CFAP70: variants seen among roughly 807,000 people sequenced by gnomAD.
CFAP70 encodes cilia and flagella associated protein 70.
A neutral mutation model predicts 137.6 loss-of-function variants in CFAP70; 81 were observed. The ratio of observed to expected loss-of-function variants is 0.59; its 90% CI spans 0.49 to 0.71. The LOEUF (loss-of-function observed/expected upper bound fraction) is 0.71, where lower values mean the gene tolerates loss of function less well. CFAP70 is among the 30% of genes least tolerant of loss of function. The pLI is 0.00. For missense variants in CFAP70, 976 were observed against 1,226.7 expected (o/e 0.80, Z 3.05); for synonymous variants, 382 against 423.6 (o/e 0.90, Z 1.20).
chr10:73,268,342 A>C (rs925203096), intron 25 of CFAP70, among the ~76,000 whole-genome samples: 1 of 152,086 alleles, frequency 6.6e-6, no homozygotes, highest in Admixed American at 6.5e-5. Context: ...CTGCCATGTG[A>C]TCTGTATGTA....
At chr10:73,350,390 A>G (rs2054091097) in intron 3 of CFAP70, among the ~76,000 whole-genome samples, 1 of 152,178 alleles carries the variant, frequency 6.6e-6, no homozygotes, top group Non-Finnish European at 1.5e-5. Flanking sequence ...TATTTTTTGT[A>G]TTAGAATGAG....
At chr10:73,343,763 A>G (rs928134413) in intron 5 of CFAP70, among the ~76,000 whole-genome samples, 4 of 152,270 alleles carry the variant, frequency 2.6e-5, no homozygotes, top group Admixed American at 6.5e-5. Flanking sequence ...GCAACCTTTC[A>G]TAAAACATCA....
intron 24 of CFAP70, among the ~76,000 whole-genome samples, chr10:73,271,798 C>A (rs1161942758): frequency 1.3e-5 from 2 of 152,102 alleles, no homozygotes; most frequent in Non-Finnish European, 2.9e-5. Context: ...GTGTTCCCAC[C>A]AAGCAATCCT....
At chr10:73,289,553 G>A (rs1159981894) in intron 19 of CFAP70, among the ~76,000 whole-genome samples, 2 of 151,684 alleles carry the variant, frequency 1.3e-5, no homozygotes, top group Non-Finnish European at 2.9e-5. Flanking sequence ...CAGAGTGCTG[G>A]GATTACAGGC....
At chr10:73,326,534 T>C (rs2051444826) in intron 8 of CFAP70, among the ~76,000 whole-genome samples, 6 of 144,100 alleles carry the variant, frequency 4.2e-5, no homozygotes, top group South Asian at 2.3e-4. Context: ...TTCAAAAAAT[T>C]AATGAATCCA....
intron 3 of CFAP70, among the ~76,000 whole-genome samples, chr10:73,350,251 T>G (rs2054081410): frequency 6.6e-6 from 1 of 152,212 alleles, no homozygotes; most frequent in South Asian, 2.1e-4. Flanking sequence ...TTTAATTTGT[T>G]TCTCAATTCC....
chr10:73,274,650 T>A, intron 22 of CFAP70, 56 bp from the exon 24 acceptor site: 1 of 1,425,454 alleles, frequency 7.0e-7, no homozygotes, highest in Admixed American at 2.4e-5. Flanking sequence ...AAAAGTACCT[T>A]GATGATCTTT....
chr10:73,254,112 G>A, intron 26 of CFAP70, 57 bp from the exon 28 acceptor site: 1 of 1,411,598 alleles, frequency 7.1e-7, no homozygotes, highest in Non-Finnish European at 9.7e-7. Flanking sequence ...TACTTTATGT[G>A]GCTTTGAAGA....
chr10:73,342,434 G>A (rs928504984), intron 5 of CFAP70, among the ~76,000 whole-genome samples: 6 of 151,966 alleles, frequency 3.9e-5, no homozygotes, highest in Non-Finnish European at 5.9e-5. Context: ...TCCCAGCTAC[G>A]TGGGAGGCTG....
At chr10:73,274,768 A>T (rs1366305360) in intron 22 of CFAP70, 174 bp from the exon 24 acceptor site, 148 of 612,198 alleles carry the variant, frequency 2.4e-4, no homozygotes, top group Non-Finnish European at 3.0e-5. Context: ...ATTTAATTGT[A>T]CAAGGAGACA....
chr10:73,290,142 T>A (rs1007911851), intron 19 of CFAP70, among the ~76,000 whole-genome samples: 1 of 151,934 alleles, frequency 6.6e-6, no homozygotes, highest in Non-Finnish European at 1.5e-5. Flanking sequence ...AACAGGTGAA[T>A]GGATGAACTA....
chr10:73,362,529 T>C (rs2055052713), upstream of CFAP70, among the ~76,000 whole-genome samples: 1 of 152,144 alleles, frequency 6.6e-6, no homozygotes, highest in Non-Finnish European at 1.5e-5. Context: ...TTTTGTTTTG[T>C]TTTTTGTAGC....
Position 73,345,247 on chromosome 10 carries a change from G to A in CFAP70, c.350-133C>T, listed in dbSNP as rs776819986. On this transcript the variant is annotated intron_variant, in intron 4 of 26. Transcript: ENST00000310715. Reference sequence around the variant, plus strand: ...ACTTTAACTTCAAGACTGCACTGCTGTAAAAGAATAAAATTATGCAGCATT... The same window carrying A: ...ACTTTAACTTCAAGACTGCACTGCTATAAAAGAATAAAATTATGCAGCATT... 2 of 1,607,956 alleles carry A rather than the reference G, an allele frequency of 1.2e-6. No individual in the cohort carries two copies. Among genetic ancestry groups the A allele is most frequent in the East Asian group, 2.2e-5 (1 of 44,826 alleles).
intron 19 of CFAP70, among the ~76,000 whole-genome samples, chr10:73,286,735 G>A (rs1224882744): frequency 1.3e-5 from 2 of 152,188 alleles, no homozygotes; most frequent in Admixed American, 6.5e-5. Flanking sequence ...GAAAATTGGG[G>A]CTGACAGCCT....
In CFAP70 at chr10:73,253,937, C is replaced by G. The variant is rs759654009; in HGVS notation, c.*38G>C. The stretch of plus-strand genomic sequence containing the variant: ...AAACTCTCTGGGAAGGAAAGGAACT[C>G]AGAGTCCCATGCAGAAAATTGTTCA... On this transcript the variant is annotated 3_prime_UTR_variant, in exon 27 of 27. Coordinates refer to ENST00000310715, the Ensembl canonical transcript of CFAP70. The G allele has an allele frequency of 1.4e-5, 22 of 1,524,082 alleles. No individual in the cohort carries two copies. The South Asian group carries it at 2.6e-4, about 18-fold the overall frequency. 94.4% of individuals were successfully genotyped at this position (1,524,082 alleles called of 1,614,324 possible).
chr10:73,271,051 T>G (rs2046266594), intron 24 of CFAP70, among the ~76,000 whole-genome samples: 1 of 152,170 alleles, frequency 6.6e-6, no homozygotes, highest in South Asian at 2.1e-4. Context: ...TCCCAGGTAC[T>G]CAGGAGGCTG....
chr10:73,277,323 G>A (rs199863243), exon 21 of CFAP70: 1 of 1,613,934 alleles, frequency 6.2e-7, no homozygotes, highest in Admixed American at 1.7e-5. Flanking sequence ...TGAAGGCCGG[G>A]ATGCAGAAGA....
intron 12 of CFAP70, among the ~76,000 whole-genome samples, chr10:73,300,078 A>T (rs1276550698): frequency 6.6e-6 from 1 of 152,184 alleles, no homozygotes; most frequent in African/African-American, 2.4e-5. Flanking sequence ...TGGAATAGGC[A>T]AGCAAAACCT....
chr10:73,257,984 C>T (rs890390352), intron 25 of CFAP70, among the ~76,000 whole-genome samples: 10 of 151,876 alleles, frequency 6.6e-5, no homozygotes, highest in African/African-American at 2.4e-4. Context: ...CCTCCACCCC[C>T]TGGGTTCAAG....
Sources: allele counts gnomAD v4.1 joint callset (sites outside exome capture counted in the v4.1 genomes callset), GRCh38; gene constraint gnomAD v4.1.1; transcripts MANE v1.5; gene names NCBI Gene and HGNC (gene_info 2026-07-23, HGNC 2026-07-21).